LZTFL1: variants seen among roughly 807,000 people sequenced by gnomAD.
LZTFL1 encodes the protein leucine zipper transcription factor-like protein 1.
A neutral mutation model predicts 45.9 loss-of-function variants in LZTFL1; 25 were observed. The observed-to-expected ratio is 0.54, with a 90% CI of 0.40 to 0.76. LZTFL1 has a LOEUF of 0.76. Among genes scored for constraint, LZTFL1 ranks in the 30% least tolerant of loss-of-function variants. LZTFL1 has a pLI of 0.00. For synonymous variants in LZTFL1, 93 were observed against 117.4 expected (o/e 0.79, Z 1.35); for missense variants, 277 against 331.1 (o/e 0.84, Z 1.27).
chr3:45,826,165 A>T lies in LZTFL1; in HGVS notation c.*149T>A. On this transcript the variant is annotated 3_prime_UTR_variant, in exon 10 of 10. Coordinates refer to ENST00000296135, the MANE Select transcript of LZTFL1 (RefSeq NM_020347.4). The stretch of plus-strand genomic sequence containing the variant: ...GGTTTTCTCTGTTTTCAACTAGCTG[A>T]AAATAGGAACTCTAGTTCTAAATAT... 1 of 701,248 alleles carries T rather than the reference A, an allele frequency of 1.4e-6. No homozygotes were observed. The highest frequency in any genetic ancestry group is 2.4e-6 in the Non-Finnish European group (1 of 410,018). 43.4% of individuals were successfully genotyped at this position (701,248 alleles called of 1,614,324 possible).
At position 45,824,778 on chromosome 3, in the gene LZTFL1, A is replaced by G; in HGVS notation, c.*1536T>C. 7.5e-6 allele frequency: 3 copies of G among 398,236 alleles called. No homozygotes were observed. Among genetic ancestry groups the G allele is most frequent in the Non-Finnish European group, 1.3e-5 (3 of 225,820 alleles). 24.7% of individuals were successfully genotyped at this position (398,236 alleles called of 1,614,324 possible). A position where few individuals can be genotyped will look rare whatever the true frequency, so the allele number is the denominator to read the frequency against. ...CACAGACAATGGAATGGATTTTTGG[A>G]GAGAGTGTCAATTTAGGGCTAAAGA... On this transcript the variant is annotated 3_prime_UTR_variant, in exon 10 of 10. Coordinates refer to ENST00000296135, the MANE Select transcript of LZTFL1 (RefSeq NM_020347.4).
In LZTFL1 at chr3:45,825,287, A is replaced by G. The variant is rs1700636207; in HGVS notation, c.*1027T>C. Reference sequence around the variant, plus strand: ...TTTCCTTCTGAGGGATTATTGCTTTATGGACTTGACTTTGTTTATCCTTAT... The same window carrying G: ...TTTCCTTCTGAGGGATTATTGCTTTGTGGACTTGACTTTGTTTATCCTTAT... On this transcript the variant is annotated 3_prime_UTR_variant, in exon 10 of 10. Transcript: ENST00000296135. The G allele has an allele frequency of 6.1e-6, 1 of 162,798 alleles. No individual in the cohort carries two copies. Among genetic ancestry groups the G allele is most frequent in the Admixed American group, 6.4e-5 (1 of 15,596 alleles). The allele number at this position is 162,798 out of a possible 1,614,324, so 10.1% of individuals were successfully genotyped here.
rs1701007492 is a variant in LZTFL1 at position 45,837,951 on chromosome 3, C to A, written c.104G>T (p.Cys35Phe). 1 of 1,612,906 alleles carries A rather than the reference C, an allele frequency of 6.2e-7. No individual in the cohort carries two copies. Among genetic ancestry groups the A allele is most frequent in the Admixed American group, 1.7e-5 (1 of 59,714 alleles). ...CCTGCTCTCCTTGAGGTCTTGGAAG[C>A]AGGAATCTACAGTTTTGAGTCTCAA... The part of the protein sequence containing the change: ...RGLRLKTVDS[C>F]FQDLKESRLV... Residue 35 changes from cysteine to phenylalanine, a missense_variant, in exon 2 of 10, where the codon TGC (cysteine) becomes TTC (phenylalanine). Physicochemically the swap from Cys to Phe is radical, Grantham distance 205. Coordinates refer to ENST00000296135, the MANE Select transcript of LZTFL1 (RefSeq NM_020347.4).
intron 2 of LZTFL1, among the ~76,000 whole-genome samples, chr3:45,903,949 T>C (rs1238579720): frequency 1.3e-5 from 2 of 152,216 alleles, no homozygotes. Context: ...CTAAATAACA[T>C]TGTGCAGTTA....
At chr3:45,883,313 T>C (rs1701896285) in intron 2 of LZTFL1, among the ~76,000 whole-genome samples, 2 of 152,324 alleles carry the variant, frequency 1.3e-5, no homozygotes, top group Admixed American at 6.5e-5. Context: ...GTAATAAAGC[T>C]GGATTCTCTT....
chr3:45,895,194 T>A, intron 2 of LZTFL1: 4 of 552,208 alleles, frequency 7.2e-6, no homozygotes, highest in Non-Finnish European at 1.3e-5. Context: ...TGTGGTGTTA[T>A]AAACAGCTAA....
chr3:45,882,115 G>A (rs1485668077), intron 2 of LZTFL1, among the ~76,000 whole-genome samples: 1 of 152,156 alleles, frequency 6.6e-6, no homozygotes. Flanking sequence ...AGATCCTCAA[G>A]ACTTATATCA....
Position 45,825,444 on chromosome 3 carries a change from C to G in LZTFL1, c.*870G>C, listed in dbSNP as rs1161755457. On this transcript the variant is annotated 3_prime_UTR_variant, in exon 10 of 10. Transcript: ENST00000296135. ...TGAAAATACAATTATTATAGACCCACATAAATAAAGTCTAATCTGAAGTCT... is the reference window on the plus strand; with the variant it reads ...TGAAAATACAATTATTATAGACCCAGATAAATAAAGTCTAATCTGAAGTCT... 1 of 152,166 alleles carries G rather than the reference C, an allele frequency of 6.6e-6. No individual in the cohort carries two copies. Among genetic ancestry groups the G allele is most frequent in the Non-Finnish European group, 1.5e-5 (1 of 68,022 alleles). 9.4% of individuals were successfully genotyped at this position (152,166 alleles called of 1,614,324 possible).
intron 2 of LZTFL1, among the ~76,000 whole-genome samples, chr3:45,882,515 G>A (rs1701877967): frequency 6.6e-6 from 1 of 152,162 alleles, no homozygotes; most frequent in Non-Finnish European, 1.5e-5. Context: ...TTTTCAATTT[G>A]GGGAACCTAA....
At chr3:45,853,338 T>C (rs1701335154) in intron 4 of LZTFL1, among the ~76,000 whole-genome samples, 1 of 152,238 alleles carries the variant, frequency 6.6e-6, no homozygotes, top group African/African-American at 2.4e-5. Context: ...TTAGGTTCAC[T>C]TTCTTGCTAC....
chr3:45,829,711 A>G (rs2064061), intron 7 of LZTFL1, among the ~76,000 whole-genome samples: 65,777 of 151,892 alleles, frequency 0.43, 15,212 homozygotes, highest in East Asian at 0.65. Flanking sequence ...CATTGCAACT[A>G]ATAAAAGCAC....
chr3:45,826,162 C>A lies in LZTFL1; in HGVS notation c.*152G>T. The A allele has an allele frequency of 2.9e-6, 2 of 680,080 alleles. No individual in the cohort carries two copies. Among genetic ancestry groups the A allele is most frequent in the South Asian group, 2.0e-5 (1 of 50,934 alleles). The allele number at this position is 680,080 out of a possible 1,614,324, so 42.1% of individuals were successfully genotyped here. ...CTAGGTTTTCTCTGTTTTCAACTAG[C>A]TGAAAATAGGAACTCTAGTTCTAAA... is the stretch of plus-strand genomic sequence containing the variant. On this transcript the variant is annotated 3_prime_UTR_variant, in exon 10 of 10. Coordinates refer to ENST00000296135, the MANE Select transcript of LZTFL1 (RefSeq NM_020347.4).
chr3:45,832,214 C>CT (rs1700845092), intron 5 of LZTFL1, among the ~76,000 whole-genome samples: 1 of 152,220 alleles, frequency 6.6e-6, no homozygotes, highest in East Asian at 1.9e-4. Context: ...GAGCAAGACT[C>CT]TGTCTCAAAA....
Position 45,835,712 on chromosome 3 carries a change from A to G in LZTFL1, c.201T>C (p.Ser67=). Residue 67 remains serine, a synonymous_variant, in exon 3 of 10, where the codon AGT becomes AGC. Transcript: ENST00000296135. Reference sequence around the variant, plus strand: ...TGTTGATGAGCTCAGATTCCACCTCACTATGAACCACAGCTTGTAATCCAT... The same window carrying G: ...TGTTGATGAGCTCAGATTCCACCTCGCTATGAACCACAGCTTGTAATCCAT... ...VLNGLQAVVH[S]EVESELINTA... The G allele has an allele frequency of 6.2e-7, 1 of 1,614,158 alleles. No individual in the cohort carries two copies.
intron 2 of LZTFL1, among the ~76,000 whole-genome samples, chr3:45,909,095 C>T (rs1339987153): frequency 6.6e-6 from 1 of 152,228 alleles, no homozygotes; most frequent in Non-Finnish European, 1.5e-5. Context: ...GCCTGGTGAT[C>T]TGTCACTGTC....
At chr3:45,846,388 G>A (rs1163440832), upstream of LZTFL1, among the ~76,000 whole-genome samples, 3 of 152,092 alleles carry the variant, frequency 2.0e-5, no homozygotes, top group East Asian at 5.8e-4. Context: ...TATATTTTGT[G>A]GTTTCTTTTA....
chr3:45,859,952 T>A (rs1701457389), intron 2 of LZTFL1, among the ~76,000 whole-genome samples: 1 of 152,192 alleles, frequency 6.6e-6, no homozygotes, highest in East Asian at 1.9e-4. Flanking sequence ...AATAAGAATT[T>A]GGGAAATTTG....
chr3:45,915,243 G>A (rs1702875498), intron 1 of LZTFL1, among the ~76,000 whole-genome samples: 2 of 152,138 alleles, frequency 1.3e-5, no homozygotes, highest in Admixed American at 6.5e-5. Context: ...CTGCTAAGCA[G>A]CCCTGGGTCC....
Position 45,875,253 on chromosome 3 carries a change from C to T in LZTFL1, c.-214-16237G>A, listed in dbSNP as rs371912815. On this transcript the variant is annotated intron_variant, in intron 2 of 4. Transcript: ENST00000472635. ...GCCCCTTGTCTGTTTGGTTCATTAC[C>T]GTATTCTTAGTATTTAGAATAGTGT... Among the ~76,000 whole-genome samples, 35 of 152,080 alleles carry T rather than the reference C, an allele frequency of 2.3e-4. No individual in the cohort carries two copies. In the East Asian group the frequency reaches 4.4e-3, roughly 19 times the overall value.
Sources: gnomAD v4.1 joint callset for allele counts (sites outside exome capture counted in the v4.1 genomes callset) on GRCh38, gnomAD v4.1.1 for gene constraint, MANE v1.5 for transcripts, NCBI Gene and HGNC (gene_info 2026-07-23, HGNC 2026-07-21) for gene names.